CYTH1: variants seen among roughly 807,000 people sequenced by gnomAD.
CYTH1 encodes the protein cytohesin 1.
CYTH1 carries 18 observed loss-of-function variants against 61.8 expected under a neutral mutation model. The ratio of observed to expected loss-of-function variants is 0.29; its 90% CI spans 0.20 to 0.43. The LOEUF is 0.43. Ranked by LOEUF, CYTH1 falls within the 20% of genes least tolerant of loss-of-function variation. The pLI is 1.00. For missense variants in CYTH1, 336 were observed against 510.5 expected, an observed-to-expected ratio of 0.66 and a Z score of 3.29; for synonymous variants, 174 against 184.3, an observed-to-expected ratio of 0.94 and a Z score of 0.45.
At chr17:78,696,068 G>C in intron 9 of CYTH1, 59 bp from the exon 10 acceptor site, 2 of 1,366,094 alleles carry the variant, frequency 1.5e-6, no homozygotes, top group Non-Finnish European at 2.0e-6. Context: ...AAATGAGGGA[G>C]AAAAGAAAAT....
intron 11 of CYTH1, among the ~76,000 whole-genome samples, chr17:78,687,721 T>C (rs1264645226): frequency 1.3e-5 from 2 of 152,240 alleles, no homozygotes; most frequent in African/African-American, 4.8e-5. Context: ...AAGCAGCCAC[T>C]TGATCTGCCG....
At chr17:78,759,307 G>C (rs2093413418) in intron 1 of CYTH1, among the ~76,000 whole-genome samples, 1 of 152,154 alleles carries the variant, frequency 6.6e-6, no homozygotes, top group Admixed American at 6.5e-5. Flanking sequence ...GTTCTTCGTA[G>C]GTCTCATGCG....
chr17:78,777,197 A>G (rs1015141709), intron 1 of CYTH1, among the ~76,000 whole-genome samples: 3 of 150,400 alleles, frequency 2.0e-5, no homozygotes, highest in African/African-American at 7.4e-5. Flanking sequence ...AGGCGGATGG[A>G]TCACGAGGTC....
In CYTH1 at chr17:78,746,911, T is replaced by G. The variant is rs552761924; in HGVS notation, c.22+35291A>C. 5.9e-5 allele frequency among the ~76,000 whole-genome samples: 9 copies of G among 151,786 alleles called. No homozygotes were observed. In the South Asian group the frequency reaches 1.7e-3, roughly 28 times the overall value. On this transcript the variant is annotated intron_variant, in intron 1 of 13. Transcript: ENST00000446868. ...GTGAGCTGTCATCACCCCACTGCAC[T>G]CCAGTCTTCGTGACAGAGTCAGACT...
intron 1 of CYTH1, among the ~76,000 whole-genome samples, chr17:78,731,771 A>C (rs946539313): frequency 4.0e-5 from 6 of 151,002 alleles, no homozygotes; most frequent in Admixed American, 6.6e-5. Context: ...AAAAAAAAAA[A>C]CAAAAAAAAA....
intron 11 of CYTH1, among the ~76,000 whole-genome samples, chr17:78,687,456 G>A (rs1383869709): frequency 6.6e-6 from 1 of 152,192 alleles, no homozygotes; most frequent in African/African-American, 2.4e-5. Flanking sequence ...TGTCATTTGC[G>A]ATCTCAAGCA....
chr17:78,696,950 G>A (rs1427495760), intron 9 of CYTH1, among the ~76,000 whole-genome samples: 1 of 152,164 alleles, frequency 6.6e-6, no homozygotes, highest in African/African-American at 2.4e-5. Flanking sequence ...AGTAATTTTA[G>A]AGCCTTAACT....
intron 3 of CYTH1, among the ~76,000 whole-genome samples, chr17:78,703,270 G>A (rs1314499241): frequency 6.6e-6 from 1 of 151,500 alleles, no homozygotes; most frequent in Non-Finnish European, 1.5e-5. Context: ...AAATTAGCCA[G>A]GCATGGTGGT....
chr17:78,774,361 T>TA (rs2093483112), intron 1 of CYTH1, among the ~76,000 whole-genome samples: 1 of 152,192 alleles, frequency 6.6e-6, no homozygotes, highest in Non-Finnish European at 1.5e-5. Context: ...ATCAGTAAGT[T>TA]AGTAACTAAG....
chr17:78,676,935 A>C (rs1357459299), intron 13 of CYTH1: 1 of 450,448 alleles, frequency 2.2e-6, no homozygotes, highest in African/African-American at 2.0e-5. Flanking sequence ...GCTGTATCCT[A>C]AGTGATGATT....
At chr17:78,763,055 G>C (rs937272876) in intron 1 of CYTH1, among the ~76,000 whole-genome samples, 2 of 152,074 alleles carry the variant, frequency 1.3e-5, no homozygotes, top group Admixed American at 1.3e-4. Flanking sequence ...CTCAAAAAAA[G>C]ACTTTTGGCC....
intron 1 of CYTH1, 60 bp downstream of exon 1, chr17:78,782,142 G>T: frequency 8.0e-7 from 1 of 1,253,768 alleles, no homozygotes; most frequent in Non-Finnish European, 1.0e-6. Context: ...CCGGACGGCC[G>T]GGCCCGGAGG....
intron 11 of CYTH1, among the ~76,000 whole-genome samples, chr17:78,684,301 A>G (rs1191432638): frequency 6.6e-6 from 1 of 152,208 alleles, no homozygotes; most frequent in East Asian, 1.9e-4. Context: ...CTGGAGTGAA[A>G]GAAGAATGAG....
chr17:78,689,556 A>G (rs1444625941), intron 11 of CYTH1, among the ~76,000 whole-genome samples: 2 of 152,036 alleles, frequency 1.3e-5, no homozygotes, highest in Admixed American at 1.3e-4. Flanking sequence ...AATACAGATG[A>G]AGCTTCCACC....
chr17:78,772,674 A>T (rs556829484), intron 1 of CYTH1, among the ~76,000 whole-genome samples: 5 of 151,892 alleles, frequency 3.3e-5, no homozygotes, highest in African/African-American at 1.2e-4. Context: ...AATAGCTGAG[A>T]CTACAGGCGT....
At chr17:78,718,149 C>G (rs1295943647) in intron 1 of CYTH1, among the ~76,000 whole-genome samples, 2 of 151,466 alleles carry the variant, frequency 1.3e-5, no homozygotes, top group Non-Finnish European at 2.9e-5. Flanking sequence ...TGGCCTGCTG[C>G]CAACGGGTGC....
At chr17:78,778,414 G>C (rs1356458314) in intron 1 of CYTH1, among the ~76,000 whole-genome samples, 2 of 151,472 alleles carry the variant, frequency 1.3e-5, no homozygotes, top group East Asian at 3.9e-4. Context: ...AAGGCAGGTG[G>C]ATCACTTGAG....
rs533042913 is a variant in CYTH1 at position 78,741,006 on chromosome 17, C to T, written c.23-31274G>A. Among the ~76,000 whole-genome samples the T allele has an allele frequency of 1.2e-4, 18 of 152,250 alleles. No individual in the cohort carries two copies. In the East Asian group the frequency reaches 2.9e-3, roughly 24 times the overall value. ...AGAGCAGTGTCTGAACAAATGATAT[C>T]GGAAACATACAGGAGCTAGCACAGG... On this transcript the variant is annotated intron_variant, in intron 1 of 13. Transcript: ENST00000446868.
chr17:78,770,536 A>G (rs2093467201), intron 1 of CYTH1, among the ~76,000 whole-genome samples: 1 of 151,792 alleles, frequency 6.6e-6, no homozygotes, highest in South Asian at 2.1e-4. Flanking sequence ...CTCCTTGTTC[A>G]GCCTCCCAAG....
Sources: gnomAD v4.1 joint callset for allele counts (sites outside exome capture counted in the v4.1 genomes callset) on GRCh38, gnomAD v4.1.1 for gene constraint, MANE v1.5 for transcripts, NCBI Gene and HGNC (gene_info 2026-07-23, HGNC 2026-07-21) for gene names.